Variants in STAT1 observed in about 807,000 individuals in gnomAD.
The protein encoded by STAT1 is signal transducer and activator of transcription 1, also known as signal transducer and activator of transcription 1-alpha/beta.
A neutral mutation model predicts 111.7 loss-of-function variants in STAT1; 24 were observed. The observed-to-expected ratio is 0.21, with a 90% CI of 0.16 to 0.30. The LOEUF is 0.30. STAT1 is among the 10% of genes least tolerant of loss of function. The pLI, the probability that STAT1 is intolerant of heterozygous loss-of-function variation, is 1.00. For synonymous variants in STAT1, 332 were observed against 326.5 expected (o/e 1.02, Z -0.18); for missense variants, 351 against 911.9 (o/e 0.38, Z 7.92).
intron 10 of STAT1, chr2:190,992,613 C>A: frequency 2.1e-6 from 2 of 962,246 alleles, no homozygotes; most frequent in Non-Finnish European, 2.7e-6. Context: ...AAATTTATTA[C>A]TGTGAGAAAA....
In STAT1 at chr2:190,983,560, T is replaced by C. The variant is rs16833146; in HGVS notation, c.1446+82A>G. 19,861 of 1,222,436 alleles carry C rather than the reference T, an allele frequency of 0.016. 2,076 individuals are homozygous for C. The African/African-American group carries it at 0.24, about 15-fold the overall frequency. 75.7% of individuals were successfully genotyped at this position (1,222,436 alleles called of 1,614,324 possible). On this transcript the variant is annotated intron_variant, in intron 17 of 24. Coordinates refer to ENST00000361099, the MANE Select transcript of STAT1 (RefSeq NM_007315.4). The surrounding 1 kb of genome is among the most constrained non-coding windows in gnomAD (Gnocchi z 5.7). ...TCACTTCTCCCTTAACAACTGGCCA[T>C]TGGGGCTATTTCAGAGATGCAGCAG...
In STAT1 at chr2:190,997,890, G is replaced by GC. The variant is rs1341038926; in HGVS notation, c.750dup (p.Pro251AlafsTer28). On this transcript the variant is annotated frameshift_variant, in exon 9 of 25. Coordinates refer to ENST00000361099, the MANE Select transcript of STAT1 (RefSeq NM_007315.4). LOFTEE classifies it high-confidence loss of function. This position sits in a 1 kb window ranked among gnomAD's most constrained non-coding sequence, Gnocchi z 7.3. ...AGCTGATCCAAGCAAGCATTGGGCG[G>GC]CCCCCCAATACAGGCGCTCTGCTGT... 1 of 1,614,114 alleles carries GC rather than the reference G, an allele frequency of 6.2e-7. No individual in the cohort carries two copies. Among genetic ancestry groups the GC allele is most frequent in the South Asian group, 1.1e-5 (1 of 91,082 alleles).
At position 190,998,657 on chromosome 2, in the gene STAT1, G is replaced by A. The variant is rs572607720; in HGVS notation, c.542-349C>T. Among the ~76,000 whole-genome samples, 4 of 146,956 alleles carry A rather than the reference G, an allele frequency of 2.7e-5. No homozygotes were observed. The highest frequency in any genetic ancestry group is 6.0e-5 in the Non-Finnish European group (4 of 67,182). On this transcript the variant is annotated intron_variant, in intron 7 of 24. Coordinates refer to ENST00000361099, the MANE Select transcript of STAT1 (RefSeq NM_007315.4). This position sits in a 1 kb window ranked among gnomAD's most constrained non-coding sequence, Gnocchi z 4.1. The stretch of plus-strand genomic sequence containing the variant: ...AGCCTGGGCGACAGAGCGAGACTCC[G>A]TCTCCAAAAAAAAACAAAAAAAACA...
At chr2:190,994,174 G>A (rs1693626391) in intron 10 of STAT1, among the ~76,000 whole-genome samples, 1 of 152,210 alleles carries the variant, frequency 6.6e-6, no homozygotes, top group South Asian at 2.1e-4. Flanking sequence ...CCTCAGGAGA[G>A]CCACAGAAAA....
At chr2:190,991,384 G>A in intron 10 of STAT1, 64 bp from the exon 11 acceptor site, 1 of 1,511,286 alleles carries the variant, frequency 6.6e-7, no homozygotes, top group Non-Finnish European at 9.2e-7. Flanking sequence ...CAATCACAAT[G>A]ATTTTCCTGA....
In STAT1 at chr2:190,976,599, A is replaced by G. The variant is rs1162058056; in HGVS notation, c.2059+241T>C. 6.6e-6 allele frequency among the ~76,000 whole-genome samples: 1 copy of G among 152,214 alleles called. No individual in the cohort carries two copies. The highest frequency in any genetic ancestry group is 1.5e-5 in the Non-Finnish European group (1 of 68,040). On this transcript the variant is annotated intron_variant, in intron 22 of 24. Transcript: ENST00000361099. This position sits in a 1 kb window ranked among gnomAD's most constrained non-coding sequence, Gnocchi z 6.0. ...TGGAAACAGTGATAGTAACAAATAC[A>G]CAAGACCAGCAATGGACTTTTCCAA...
rs1692558259 is a variant in STAT1, at chr2:190,983,644, T to G, written c.1444A>C (p.Arg482=). 2 of 1,613,934 alleles carry G rather than the reference T, an allele frequency of 1.2e-6. No individual in the cohort carries two copies. Among genetic ancestry groups the G allele is most frequent in the East Asian group, 2.2e-5 (1 of 44,888 alleles). ...LWYNMLVAEP[R]NLSFFLTPPC... Reference sequence around the variant, plus strand: ...CAAAGCAAATGTGTTTTCCATACCCTGGGTTCCGCCACCAGCATGTTGTAC... The same window carrying G: ...CAAAGCAAATGTGTTTTCCATACCCGGGGTTCCGCCACCAGCATGTTGTAC... Residue 482 remains arginine (R), a splice_region_variant and synonymous_variant, in exon 17 of 25, where the codon AGG becomes CGG. Coordinates refer to ENST00000361099, the MANE Select transcript of STAT1 (RefSeq NM_007315.4). The surrounding 1 kb of genome is among the most constrained non-coding windows in gnomAD (Gnocchi z 5.7).
rs1041535785 is a variant in STAT1 at position 190,995,600 on chromosome 2, A to G, written c.786-381T>C. Among the ~76,000 whole-genome samples, 2 of 152,198 alleles carry G rather than the reference A, an allele frequency of 1.3e-5. No individual in the cohort carries two copies. Among genetic ancestry groups the G allele is most frequent in the African/African-American group, 4.8e-5 (2 of 41,450 alleles). On this transcript the variant is annotated intron_variant, in intron 9 of 24. Coordinates refer to ENST00000361099, the MANE Select transcript of STAT1 (RefSeq NM_007315.4). This position sits in a 1 kb window ranked among gnomAD's most constrained non-coding sequence, Gnocchi z 4.2. ...GCCCTGCCCTTGACACATGGGGATT[A>G]TTACAATTCAAGGTGAGATTTGGGT...
At position 190,991,229 on chromosome 2, in the gene STAT1, TCA is replaced by T; in HGVS notation, c.1034_1035del (p.Leu345Ter). ...GGGATGCCATCTTTCCCTTGTTACC[TCA>T]ACTTCACAGTGAACTGGACCCCTGT... ...LKTGVQFTVK[L>X]RLLVKLQELN... On this transcript the variant is annotated frameshift_variant and splice_region_variant, in exon 11 of 25. Coordinates refer to ENST00000361099, the MANE Select transcript of STAT1 (RefSeq NM_007315.4). LOFTEE classifies it high-confidence loss of function. The T allele has an allele frequency of 6.2e-7, 1 of 1,614,054 alleles. No homozygotes were observed. Among genetic ancestry groups the T allele is most frequent in the Non-Finnish European group, 8.5e-7 (1 of 1,179,946 alleles).
In STAT1 at chr2:190,989,737, C is replaced by T. The variant is rs911577981; in HGVS notation, c.1038-63G>A. 2.5e-6 allele frequency: 3 copies of T among 1,203,764 alleles called. No homozygotes were observed. Among genetic ancestry groups the T allele is most frequent in the Admixed American group, 1.9e-5 (1 of 51,380 alleles). The allele number at this position is 1,203,764 out of a possible 1,614,324, so 74.6% of individuals were successfully genotyped here. On this transcript the variant is annotated intron_variant, in intron 11 of 24. Coordinates refer to ENST00000361099, the MANE Select transcript of STAT1 (RefSeq NM_007315.4). The surrounding 1 kb of genome is among the most constrained non-coding windows in gnomAD (Gnocchi z 5.0). ...TATCTGTTACAATTTATTTATTATG[C>T]CAATTCCCTATTAACGTTTAGATAA... is the stretch of plus-strand genomic sequence containing the variant.
chr2:191,001,900 T>C (rs868663201), intron 5 of STAT1, among the ~76,000 whole-genome samples: 5 of 152,212 alleles, frequency 3.3e-5, no homozygotes, highest in African/African-American at 4.8e-5. Flanking sequence ...CCTGTTCTCA[T>C]AGAGATTAAA....
At position 190,975,632 on chromosome 2, in the gene STAT1, T is replaced by C. The variant is rs937196233; in HGVS notation, c.2135+180A>G. On this transcript the variant is annotated intron_variant, in intron 23 of 24. Transcript: ENST00000361099. This position sits in a 1 kb window ranked among gnomAD's most constrained non-coding sequence, Gnocchi z 5.9. ...ATACAAATTTGGTTTTTGGCTTTTT[T>C]TTTTTTTTTAAAGTAGTAAAATGCT... is the stretch of plus-strand genomic sequence containing the variant. 5.7e-5 allele frequency: 83 copies of C among 1,447,752 alleles called. No homozygotes were observed. In the African/African-American group the frequency reaches 8.5e-4, roughly 15 times the overall value. The allele number at this position is 1,447,752 out of a possible 1,614,324, so 89.7% of individuals were successfully genotyped here.
Position 190,986,750 on chromosome 2 carries a change from G to C in STAT1, c.1221+104C>G. 8.8e-7 allele frequency: 1 copy of C among 1,141,838 alleles called. No individual in the cohort carries two copies. The highest frequency in any genetic ancestry group is 1.3e-6 in the Non-Finnish European group (1 of 752,452). The allele number at this position is 1,141,838 out of a possible 1,614,324, so 70.7% of individuals were successfully genotyped here. ...CCAGCCACAAAGTCTACAAACCCCA[G>C]CAGGGGGGCGTCCTCCACATGGCAA... is the stretch of plus-strand genomic sequence containing the variant. On this transcript the variant is annotated intron_variant, in intron 14 of 24. Coordinates refer to ENST00000361099, the MANE Select transcript of STAT1 (RefSeq NM_007315.4). This position sits in a 1 kb window ranked among gnomAD's most constrained non-coding sequence, Gnocchi z 5.0.
intron 10 of STAT1, among the ~76,000 whole-genome samples, chr2:190,994,140 A>G (rs921257472): frequency 6.6e-6 from 1 of 152,222 alleles, no homozygotes; most frequent in Non-Finnish European, 1.5e-5. Flanking sequence ...ACATGAAAAG[A>G]AGGCTCTGAG....
chr2:190,980,542 C>T lies in STAT1; in HGVS notation c.1632+78G>A. 6.7e-7 allele frequency: 1 copy of T among 1,493,956 alleles called. No homozygotes were observed. Among genetic ancestry groups the T allele is most frequent in the African/African-American group, 1.4e-5 (1 of 72,486 alleles). 92.5% of individuals were successfully genotyped at this position (1,493,956 alleles called of 1,614,324 possible). On this transcript the variant is annotated intron_variant, in intron 19 of 24. Coordinates refer to ENST00000361099, the MANE Select transcript of STAT1 (RefSeq NM_007315.4). The surrounding 1 kb of genome is among the most constrained non-coding windows in gnomAD (Gnocchi z 6.1). ...CCAAAATAAGCAAACAGTTAAGTAA[C>T]TATCACAGCAAGAAACATGAGAACC...
In STAT1 at chr2:190,987,342, TCATGAGGA is replaced by T. The variant is rs1195866042; in HGVS notation, c.1098-282_1098-275del. Among the ~76,000 whole-genome samples the T allele has an allele frequency of 1.3e-5, 2 of 152,306 alleles. No homozygotes were observed. Among genetic ancestry groups the T allele is most frequent in the East Asian group, 3.9e-4 (2 of 5,182 alleles). ...ACTAACAGTGCCAACATATAGGACA[TCATGAGGA>T]ATAAACTAGTTAATTCCTCACCAGT... On this transcript the variant is annotated intron_variant, in intron 12 of 24. Coordinates refer to ENST00000361099, the MANE Select transcript of STAT1 (RefSeq NM_007315.4). This position sits in a 1 kb window ranked among gnomAD's most constrained non-coding sequence, Gnocchi z 4.0.
rs1692118677 is a variant in STAT1, at chr2:190,978,878, C to T, written c.1851G>A (p.Val617=). ...SREGAITFTW[V]ERSQNGGEPD... ...CACCGCCTCCGTTCTGGGACCGCTC[C>T]ACCCATGTGAATGTGATGGCCCCTT... Residue 617 remains valine (V), a synonymous_variant, in exon 21 of 25, where the codon GTG becomes GTA. Transcript: ENST00000361099. The surrounding 1 kb of genome is among the most constrained non-coding windows in gnomAD (Gnocchi z 6.1). 1 of 1,614,032 alleles carries T rather than the reference C, an allele frequency of 6.2e-7. No homozygotes were observed. Among genetic ancestry groups the T allele is most frequent in the Non-Finnish European group, 8.5e-7 (1 of 1,180,028 alleles).
rs966498619 is a variant in STAT1 at position 190,998,700 on chromosome 2, A to G, written c.542-392T>C. ...AAAAAACAAAAAAAAAACAAAAAAAACTTGTTTTCAGTGACCCATGTAAAT... is the reference window on the plus strand; with the variant it reads ...AAAAAACAAAAAAAAAACAAAAAAAGCTTGTTTTCAGTGACCCATGTAAAT... On this transcript the variant is annotated intron_variant, in intron 7 of 24. Coordinates refer to ENST00000361099, the MANE Select transcript of STAT1 (RefSeq NM_007315.4). This position sits in a 1 kb window ranked among gnomAD's most constrained non-coding sequence, Gnocchi z 4.1. Among the ~76,000 whole-genome samples the G allele has an allele frequency of 6.6e-6, 1 of 151,310 alleles. No homozygotes were observed. Among genetic ancestry groups the G allele is most frequent in the Admixed American group, 6.6e-5 (1 of 15,198 alleles).
chr2:190,984,232 A>T lies in STAT1; in HGVS notation c.1347+78T>A, dbSNP rs1215038046. On this transcript the variant is annotated intron_variant, in intron 16 of 24. Transcript: ENST00000361099. The surrounding 1 kb of genome is among the most constrained non-coding windows in gnomAD (Gnocchi z 5.2). The stretch of plus-strand genomic sequence containing the variant: ...TTAGGTAAATACCTCCAGAACAAAC[A>T]CTGAGAAATAAAAATACATGTAACA... The T allele has an allele frequency of 8.3e-7, 1 of 1,197,946 alleles. No homozygotes were observed. The highest frequency in any genetic ancestry group is 1.5e-5 in the African/African-American group (1 of 66,710). 74.2% of individuals were successfully genotyped at this position (1,197,946 alleles called of 1,614,324 possible).
Sources: allele counts gnomAD v4.1 joint callset (sites outside exome capture counted in the v4.1 genomes callset), GRCh38; gene constraint gnomAD v4.1.1; non-coding constraint Gnocchi (gnomAD v3.1); transcripts MANE v1.5; gene names NCBI Gene and HGNC (gene_info 2026-07-23, HGNC 2026-07-21).